Variants in NRXN3 observed in about 807,000 individuals in gnomAD.
The protein encoded by NRXN3 is neurexin 3.
In NRXN3, 32 loss-of-function variants were observed where a neutral mutation model predicts 137.6. That is an observed-to-expected ratio of 0.23 (90% CI 0.18 to 0.31). The LOEUF is 0.31. NRXN3 is among the 10% of genes least tolerant of loss of function. The probability of loss-of-function intolerance (pLI) is 1.00; values close to 1 mark genes in which losing one functional copy is unlikely to be tolerated. For synonymous variants in NRXN3, 798 were observed against 784.5 expected, an observed-to-expected ratio of 1.02 and a Z score of -0.29; for missense variants, 1,574 against 2,062.5, an observed-to-expected ratio of 0.76 and a Z score of 4.59.
rs546557421 is a variant in NRXN3 at position 79,056,045 on chromosome 14, C to G, written c.3262+67904C>G. ...TGACTTCAAAATGGAAAATACATGTCGATATTGGGGGAGAAATTAGGAGGT... is the reference window on the plus strand; with the variant it reads ...TGACTTCAAAATGGAAAATACATGTGGATATTGGGGGAGAAATTAGGAGGT... On this transcript the variant is annotated intron_variant, in intron 15 of 20. Transcript: ENST00000335750. Among the ~76,000 whole-genome samples the G allele has an allele frequency of 1.6e-4, 25 of 152,142 alleles. 1 individual carries two copies. The South Asian group carries it at 5.2e-3, about 32-fold the overall frequency.
chr14:78,675,856 G>A (rs1314820758), intron 6 of NRXN3, among the ~76,000 whole-genome samples: 2 of 152,110 alleles, frequency 1.3e-5, no homozygotes, highest in East Asian at 3.9e-4. Context: ...TTTTCCAACA[G>A]CGTGTGCTGA....
In NRXN3 at chr14:78,769,930, GT is replaced by G. The variant is rs1188342781; in HGVS notation, c.2045-33685del. ...GGGATGCCAGGGTGTGGAAACACAG[GT>G]TTTTGCTTATGAGTCTTCAATGTCT... On this transcript the variant is annotated intron_variant, in intron 8 of 20. Coordinates refer to ENST00000335750, the MANE Select transcript of NRXN3 (RefSeq NM_001330195.2). Among the ~76,000 whole-genome samples, 6 of 150,398 alleles carry G rather than the reference GT, an allele frequency of 4.0e-5. No homozygotes were observed. In the East Asian group the frequency reaches 1.2e-3, roughly 31 times the overall value.
At chr14:79,742,969 A>G (rs969270923) in intron 19 of NRXN3, among the ~76,000 whole-genome samples, 6 of 152,162 alleles carry the variant, frequency 3.9e-5, no homozygotes, top group Admixed American at 1.3e-4. Context: ...GCCCTATAAT[A>G]AAATAAGCAG....
chr14:79,585,236 GT>G (rs1448456424), intron 16 of NRXN3, among the ~76,000 whole-genome samples: 1 of 152,210 alleles, frequency 6.6e-6, no homozygotes, highest in Non-Finnish European at 1.5e-5. Flanking sequence ...AAGGAAAGAA[GT>G]TTAGTAGACT....
intron 10 of NRXN3, among the ~76,000 whole-genome samples, chr14:78,891,062 G>A (rs1215216075): frequency 6.6e-6 from 1 of 151,872 alleles, no homozygotes; most frequent in Admixed American, 6.6e-5. Flanking sequence ...ATTTTGTCTG[G>A]CTTAGTTGGT....
intron 8 of NRXN3, among the ~76,000 whole-genome samples, chr14:78,716,998 G>C (rs2098436992): frequency 6.6e-6 from 1 of 152,184 alleles, no homozygotes; most frequent in Non-Finnish European, 1.5e-5. Flanking sequence ...AACCTACCCT[G>C]GTGCTGGTTG....
chr14:78,721,406 C>T (rs985956), intron 8 of NRXN3, among the ~76,000 whole-genome samples: 77,000 of 151,864 alleles, frequency 0.51, 22,820 homozygotes, highest in Non-Finnish European at 0.64. Flanking sequence ...AGTTGGGTTT[C>T]ACGCTCTCTC....
At chr14:79,399,945 C>T (rs2095143126) in intron 15 of NRXN3, among the ~76,000 whole-genome samples, 1 of 152,100 alleles carries the variant, frequency 6.6e-6, no homozygotes, top group African/African-American at 2.4e-5. Flanking sequence ...AGCGTCACTC[C>T]AGTCCCTGTT....
rs528567635 is a variant in NRXN3, at chr14:79,708,290, T to A, written c.4014+10353T>A. Among the ~76,000 whole-genome samples the A allele has an allele frequency of 2.0e-5, 3 of 152,310 alleles. No homozygotes were observed. The East Asian group carries it at 5.8e-4, about 29-fold the overall frequency. On this transcript the variant is annotated intron_variant, in intron 19 of 20. Coordinates refer to ENST00000335750, the MANE Select transcript of NRXN3 (RefSeq NM_001330195.2). ...CATTGTAAGTAACCTAGAGATGATT[T>A]AAAATGCACAGGAAGATGTGTATAG... is the stretch of plus-strand genomic sequence containing the variant.
intron 15 of NRXN3, among the ~76,000 whole-genome samples, chr14:79,317,828 A>G (rs1213399591): frequency 2.0e-5 from 3 of 152,228 alleles, no homozygotes; most frequent in Non-Finnish European, 2.9e-5. Context: ...GTATAAATAT[A>G]ATAATACATG....
chr14:78,476,117 A>G (rs1020855007), intron 4 of NRXN3, among the ~76,000 whole-genome samples: 7 of 152,222 alleles, frequency 4.6e-5, no homozygotes, highest in African/African-American at 1.7e-4. Flanking sequence ...TTAAACTAAT[A>G]CTTACTGAGT....
intron 4 of NRXN3, among the ~76,000 whole-genome samples, chr14:78,635,158 A>G (rs188859551): frequency 2.6e-4 from 39 of 152,340 alleles, no homozygotes; most frequent in African/African-American, 9.4e-4. Flanking sequence ...CAGATTTATT[A>G]AGGCAGGAAG....
At chr14:79,320,454 C>G (rs957502188) in intron 15 of NRXN3, among the ~76,000 whole-genome samples, 3 of 152,280 alleles carry the variant, frequency 2.0e-5, no homozygotes, top group Admixed American at 6.5e-5. Context: ...ATGATGTCCA[C>G]AAGATGATAC....
At chr14:79,041,379 C>G (rs1348949643) in intron 15 of NRXN3, among the ~76,000 whole-genome samples, 1 of 152,124 alleles carries the variant, frequency 6.6e-6, no homozygotes, top group Non-Finnish European at 1.5e-5. Context: ...TATTTAAAGT[C>G]AAGGAGCAGA....
At chr14:78,629,805 A>G (rs2097503151) in intron 4 of NRXN3, among the ~76,000 whole-genome samples, 1 of 152,218 alleles carries the variant, frequency 6.6e-6, no homozygotes, top group East Asian at 1.9e-4. Flanking sequence ...TATTCATAGG[A>G]TGACTTTAGG....
intron 16 of NRXN3, among the ~76,000 whole-genome samples, chr14:79,617,918 A>AAAAAAAAAAAAAAAAAAAACAAAC (rs2098177358): frequency 1.2e-4 from 10 of 80,210 alleles, no homozygotes; most frequent in African/African-American, 4.9e-4. Context: ...GAATAGCAGC[A>AAAAAAAAAAAAAAAAAAAACAAAC]AAAAAAAAAA....
Position 78,967,218 on chromosome 14 carries a change from T to G in NRXN3, c.2788T>G (p.Tyr930Asp). ...TTTTTTTCTTCCTAGGTATATACACTACGTTTTTGACCTCGGAAACGGTCC... is the reference window on the plus strand; with the variant it reads ...TTTTTTTCTTCCTAGGTATATACACGACGTTTTTGACCTCGGAAACGGTCC... Reference protein sequence around the residue: ...AVELVKGYIHYVFDLGNGPNV... With the variant: ...AVELVKGYIHDVFDLGNGPNV... Residue 930 changes from tyrosine (Y) to aspartate (D), a missense_variant, in exon 13 of 21, where the codon TAC becomes GAC. Around this residue, in one of 5 missense-constraint regions of NRXN3, gnomAD observed 718 missense variants for 887.6 expected, o/e 0.81. Transcript: ENST00000335750. 1 of 1,604,714 alleles carries G rather than the reference T, an allele frequency of 6.2e-7. No homozygotes were observed. The highest frequency in any genetic ancestry group is 1.1e-5 in the South Asian group (1 of 90,640).
intron 8 of NRXN3, among the ~76,000 whole-genome samples, chr14:78,800,972 C>A (rs2098836948): frequency 1.3e-5 from 2 of 152,172 alleles, no homozygotes; most frequent in African/African-American, 2.4e-5. Flanking sequence ...TACATGATAA[C>A]CATTTTAAAA....
intron 4 of NRXN3, among the ~76,000 whole-genome samples, chr14:78,364,109 G>A (rs1212082257): frequency 6.6e-6 from 1 of 152,240 alleles, no homozygotes; most frequent in Admixed American, 6.5e-5. Flanking sequence ...TCTTTAGCAT[G>A]TGTATGTACT....
Sources: gnomAD v4.1 joint callset for allele counts (sites outside exome capture counted in the v4.1 genomes callset) on GRCh38, gnomAD v4.1.1 for gene constraint, gnomAD v4.1.1 regional missense constraint, MANE v1.5 for transcripts, NCBI Gene and HGNC (gene_info 2026-07-23, HGNC 2026-07-21) for gene names.